Variants in MITF observed in about 807,000 individuals in gnomAD.
MITF encodes microphthalmia-associated transcription factor.
Under a neutral mutation model 60.5 loss-of-function variants are expected in MITF, and 17 were observed. The ratio of observed to expected loss-of-function variants is 0.28; its 90% CI spans 0.19 to 0.42. MITF has a LOEUF of 0.42. MITF is among the 10% of genes least tolerant of loss of function. MITF has a pLI of 1.00. For synonymous variants in MITF, 260 were observed against 248.5 expected (o/e 1.05, Z -0.43); for missense variants, 622 against 683.5 (o/e 0.91, Z 1.00).
At chr3:69,932,955 G>T (rs1313664575) in intron 2 of MITF, among the ~76,000 whole-genome samples, 2 of 152,040 alleles carry the variant, frequency 1.3e-5, no homozygotes, top group African/African-American at 4.8e-5. Context: ...TAAACTTGCT[G>T]AGCAAAAGAA....
At chr3:69,866,244 C>T in intron 1 of MITF, 1 of 1,609,268 alleles carries the variant, frequency 6.2e-7, no homozygotes. Context: ...CTAACTTTGA[C>T]TTTCACTCTT....
Position 69,967,419 on chromosome 3 carries a change from TG to T in MITF, c.*2172del, listed in dbSNP as rs1254071146. On this transcript the variant is annotated 3_prime_UTR_variant, in exon 10 of 10. Transcript: ENST00000352241. The stretch of plus-strand genomic sequence containing the variant: ...TTTATATGGGGGGGAGGGCGCTGGA[TG>T]CAAAAGTTGAAGATCGTGATGCTAT... The T allele has an allele frequency of 4.3e-6, 1 of 233,146 alleles. No individual in the cohort carries two copies. The highest frequency in any genetic ancestry group is 8.5e-6 in the Non-Finnish European group (1 of 117,782). 14.4% of individuals were successfully genotyped at this position (233,146 alleles called of 1,614,324 possible).
intron 5 of MITF, among the ~76,000 whole-genome samples, chr3:69,944,535 A>G (rs143065291): frequency 1.3e-3 from 201 of 152,186 alleles, no homozygotes; most frequent in Admixed American, 3.2e-3. Flanking sequence ...GAAAGGCTAA[A>G]TGTGGCTCCA....
intron 2 of MITF, among the ~76,000 whole-genome samples, chr3:69,910,572 G>C (rs1026209825): frequency 6.6e-6 from 1 of 152,292 alleles, no homozygotes; most frequent in African/African-American, 2.4e-5. Context: ...AAAGCCACAG[G>C]GGCAGAGCTG....
intron 2 of MITF, among the ~76,000 whole-genome samples, chr3:69,907,588 T>C (rs1304259621): frequency 6.6e-6 from 1 of 152,148 alleles, no homozygotes; most frequent in Non-Finnish European, 1.5e-5. Flanking sequence ...ATGGCCTGTA[T>C]TATGGTGCCA....
At chr3:69,918,661 C>T (rs1270782899) in intron 2 of MITF, among the ~76,000 whole-genome samples, 2 of 152,136 alleles carry the variant, frequency 1.3e-5, no homozygotes, top group African/African-American at 2.4e-5. Context: ...AACCCTCTGC[C>T]CTCAGTTTCC....
rs1180654880 is a variant in MITF, at chr3:69,967,251, T to A, written c.*2003T>A. On this transcript the variant is annotated 3_prime_UTR_variant, in exon 10 of 10. Transcript: ENST00000352241. The stretch of plus-strand genomic sequence containing the variant: ...TTTATAGCTTTATTTCTTAAGGGGG[T>A]AGGGAAAATTAGTTCCCATTCTTTC... 6 of 232,226 alleles carry A rather than the reference T, an allele frequency of 2.6e-5. No homozygotes were observed. The highest frequency in any genetic ancestry group is 3.4e-5 in the Non-Finnish European group (4 of 117,226). 14.4% of individuals were successfully genotyped at this position (232,226 alleles called of 1,614,324 possible). A position where few individuals can be genotyped will look rare whatever the true frequency, so the allele number is the denominator to read the frequency against.
At chr3:69,923,930 G>C (rs953070558) in intron 2 of MITF, among the ~76,000 whole-genome samples, 1 of 151,768 alleles carries the variant, frequency 6.6e-6, no homozygotes, top group Non-Finnish European at 1.5e-5. Context: ...TTTTGGCAAA[G>C]TACTTTTTAT....
chr3:69,924,605 G>A (rs1028487130), intron 2 of MITF, among the ~76,000 whole-genome samples: 2 of 152,094 alleles, frequency 1.3e-5, no homozygotes, highest in Non-Finnish European at 2.9e-5. Context: ...TTATTGACTC[G>A]GCTCATCCTG....
In MITF at chr3:69,939,086, G is replaced by T; in HGVS notation, c.583-12G>T. ...TCCAAGTTATAGACTGTTTTTGCTT[G>T]TGTTTTTGCAGGGATTTTATAAGTT... On this transcript the variant is annotated splice_polypyrimidine_tract_variant and intron_variant, in intron 3 of 9. Coordinates refer to ENST00000352241, the MANE Select transcript of MITF (RefSeq NM_001354604.2). 1 of 1,613,672 alleles carries T rather than the reference G, an allele frequency of 6.2e-7. No homozygotes were observed. Among genetic ancestry groups the T allele is most frequent in the South Asian group, 1.1e-5 (1 of 90,954 alleles).
chr3:69,774,113 G>A (rs573670061), intron 1 of MITF, among the ~76,000 whole-genome samples: 1 of 152,306 alleles, frequency 6.6e-6, no homozygotes, highest in East Asian at 1.9e-4. Context: ...TAATATTCAG[G>A]TATGTCTTCA....
rs2066712707 is a variant in MITF, at chr3:69,967,290, G to A, written c.*2042G>A. The stretch of plus-strand genomic sequence containing the variant: ...TCCCATTCTTTCAACCCCCTTAACT[G>A]TATAGCTCTTTTCCTAGAATAGTGA... On this transcript the variant is annotated 3_prime_UTR_variant, in exon 10 of 10. Coordinates refer to ENST00000352241, the MANE Select transcript of MITF (RefSeq NM_001354604.2). The A allele has an allele frequency of 4.3e-6, 1 of 232,308 alleles. No homozygotes were observed. The highest frequency in any genetic ancestry group is 1.8e-4 in the South Asian group (1 of 5,510). 14.4% of individuals were successfully genotyped at this position (232,308 alleles called of 1,614,324 possible). A position where few individuals can be genotyped will look rare whatever the true frequency, so the allele number is the denominator to read the frequency against.
intron 8 of MITF, 27 bp from the exon 9 acceptor site, chr3:69,959,246 A>G (rs1237742434): frequency 1.9e-6 from 3 of 1,613,336 alleles, no homozygotes; most frequent in African/African-American, 1.3e-5. Context: ...TCCTAAAAAT[A>G]TCTGTTTTCC....
intron 1 of MITF, among the ~76,000 whole-genome samples, chr3:69,773,221 G>A (rs1174025955): frequency 6.6e-6 from 1 of 152,196 alleles, no homozygotes; most frequent in Non-Finnish European, 1.5e-5. Context: ...CATGGCCACA[G>A]CGGCTGGACC....
chr3:69,965,861 A>G lies in MITF; in HGVS notation c.*613A>G, dbSNP rs545232212. 7.8e-5 allele frequency: 18 copies of G among 231,408 alleles called. No homozygotes were observed. The highest frequency in any genetic ancestry group is 1.4e-4 in the Non-Finnish European group (16 of 117,074). 14.3% of individuals were successfully genotyped at this position (231,408 alleles called of 1,614,324 possible). A position where few individuals can be genotyped will look rare whatever the true frequency, so the allele number is the denominator to read the frequency against. Reference sequence around the variant, plus strand: ...CATGAGGATCGTCTGGTTAGAAAACATAACTGATACCAACCGAAACTGAAG... The same window carrying G: ...CATGAGGATCGTCTGGTTAGAAAACGTAACTGATACCAACCGAAACTGAAG... On this transcript the variant is annotated 3_prime_UTR_variant, in exon 10 of 10. Transcript: ENST00000352241.
intron 1 of MITF, among the ~76,000 whole-genome samples, chr3:69,784,600 C>G (rs1638833032): frequency 6.6e-6 from 1 of 152,040 alleles, no homozygotes; most frequent in Admixed American, 6.6e-5. Context: ...GGTAAATTCC[C>G]TCCCTCCTTC....
At chr3:69,764,146 G>C (rs1287117529) in intron 1 of MITF, among the ~76,000 whole-genome samples, 1 of 152,162 alleles carries the variant, frequency 6.6e-6, no homozygotes, top group Non-Finnish European at 1.5e-5. Context: ...ATTTGATTAG[G>C]TTTGGAGTGC....
intron 2 of MITF, among the ~76,000 whole-genome samples, chr3:69,926,830 C>T (rs376776830): frequency 1.1e-4 from 16 of 152,204 alleles, no homozygotes; most frequent in East Asian, 7.7e-4. Flanking sequence ...ACAAAGTCCT[C>T]TCCATCTGAT....
At chr3:69,858,412 T>C (rs996501793) in intron 1 of MITF, among the ~76,000 whole-genome samples, 1 of 152,148 alleles carries the variant, frequency 6.6e-6, no homozygotes. Flanking sequence ...GCTTTAAAAG[T>C]TTGAGAAATT....
Sources: gnomAD v4.1 joint callset for allele counts (sites outside exome capture counted in the v4.1 genomes callset) on GRCh38, gnomAD v4.1.1 for gene constraint, MANE v1.5 for transcripts, NCBI Gene and HGNC (gene_info 2026-07-23, HGNC 2026-07-21) for gene names.